ZNF682: variants seen among roughly 807,000 people sequenced by gnomAD.
The protein encoded by ZNF682 is zinc finger protein 682.
A neutral mutation model predicts 36.5 loss-of-function variants in ZNF682; 29 were observed. The observed-to-expected ratio is 0.80, with a 90% CI of 0.59 to 1.08. The LOEUF (loss-of-function observed/expected upper bound fraction) is 1.08, where lower values mean the gene tolerates loss of function less well. ZNF682 is among the 50% of genes least tolerant of loss of function. The pLI is 0.00. For synonymous variants in ZNF682, 180 were observed against 197.0 expected (o/e 0.91, Z 0.72); for missense variants, 561 against 579.7 (o/e 0.97, Z 0.33).
chr19:20,006,253 T>A lies in ZNF682; in HGVS notation c.1249A>T (p.Arg417Ter). The A allele has an allele frequency of 6.2e-7, 1 of 1,613,802 alleles. No individual in the cohort carries two copies. The highest frequency in any genetic ancestry group is 2.2e-5 in the East Asian group (1 of 44,862). Residue 417 changes from arginine to a stop codon, truncating the protein, a stop_gained, in exon 4 of 4, where the codon AGA becomes TGA. Coordinates refer to ENST00000397165, the MANE Select transcript of ZNF682 (RefSeq NM_033196.3). LOFTEE classifies it high-confidence loss of function. ...TAGGGTTTCTCTCCAGTATGAATTCTCTTATGTTCAGTAAGGATTGAGGAC... is the reference window on the plus strand; with the variant it reads ...TAGGGTTTCTCTCCAGTATGAATTCACTTATGTTCAGTAAGGATTGAGGAC... Reference protein sequence around the residue: ...NWSSILTEHKRIHTGEKPYNC... With the variant: ...NWSSILTEHK
intron 1 of ZNF682, among the ~76,000 whole-genome samples, chr19:20,038,565 T>C (rs1056021092): frequency 6.8e-6 from 1 of 147,146 alleles, no homozygotes; most frequent in Non-Finnish European, 1.5e-5. Flanking sequence ...GTTAAATAAA[T>C]AGCAGGCAGT....
chr19:20,031,571 G>A (rs1050970189), intron 1 of ZNF682, among the ~76,000 whole-genome samples: 1 of 152,210 alleles, frequency 6.6e-6, no homozygotes, highest in African/African-American at 2.4e-5. Flanking sequence ...CAACCTGGCT[G>A]TGCATTATTG....
intron 1 of ZNF682, among the ~76,000 whole-genome samples, chr19:20,025,557 A>G (rs963774396): frequency 3.9e-5 from 6 of 152,118 alleles, no homozygotes; most frequent in African/African-American, 7.2e-5. Context: ...CGTGCCTGTA[A>G]TCCCAGCTAC....
intron 1 of ZNF682, among the ~76,000 whole-genome samples, chr19:20,038,223 T>C (rs1016697189): frequency 4.6e-5 from 7 of 152,110 alleles, no homozygotes; most frequent in African/African-American, 1.7e-4. Context: ...TCTTTTTTTT[T>C]TTCATGGTGG....
At chr19:19,997,884 G>C (rs375521434) in intron 3 of ZNF682, among the ~76,000 whole-genome samples, 2 of 152,172 alleles carry the variant, frequency 1.3e-5, no homozygotes, top group Admixed American at 1.3e-4. Context: ...GAGCCTTCTG[G>C]GTTTTTGGTG....
chr19:19,997,980 A>G (rs2088138149), intron 3 of ZNF682, among the ~76,000 whole-genome samples: 2 of 152,166 alleles, frequency 1.3e-5, no homozygotes, highest in African/African-American at 4.8e-5. Flanking sequence ...TCCCCATATT[A>G]TCAAGTGGTC....
intron 1 of ZNF682, among the ~76,000 whole-genome samples, chr19:20,037,035 G>A (rs945200629): frequency 2.0e-5 from 3 of 152,030 alleles, no homozygotes; most frequent in African/African-American, 7.2e-5. Context: ...TATCCTTCAG[G>A]AAAAGGCAAA....
intron 3 of ZNF682, among the ~76,000 whole-genome samples, chr19:20,022,020 A>T (rs1485497657): frequency 6.6e-6 from 1 of 151,906 alleles, no homozygotes; most frequent in Non-Finnish European, 1.5e-5. Context: ...AAATACAAAA[A>T]GTAGCTGGGC....
intron 1 of ZNF682, among the ~76,000 whole-genome samples, chr19:20,036,814 GAAAAAAAAA>G (rs869238931): frequency 0.064 from 1,274 of 19,890 alleles, 29 homozygotes; most frequent in African/African-American, 0.17. Context: ...AAAAAAAAAA[GAAAAAAAAA>G]AAAAAAAAAA....
intron 3 of ZNF682, chr19:20,015,245 A>G (rs930113494): frequency 9.1e-6 from 9 of 985,278 alleles, no homozygotes; most frequent in Admixed American, 6.1e-5. Flanking sequence ...TTGAATTTAC[A>G]ACAATTCTCA....
At position 20,006,666 on chromosome 19, in the gene ZNF682, T is replaced by G. The variant is rs752814586; in HGVS notation, c.836A>C (p.His279Pro). 6.2e-7 allele frequency: 1 copy of G among 1,614,118 alleles called. No homozygotes were observed. The highest frequency in any genetic ancestry group is 8.5e-7 in the Non-Finnish European group (1 of 1,180,012). The stretch of plus-strand genomic sequence containing the variant: ...ACATGTATAGGGTTTTTCTCCTGTA[T>G]GAATTTTCTTATGTCTAACAAAGGG... ...CSPFVRHKKI[H>P]TGEKPYTCED... The change falls in exon 4 of 4, where the codon CAT becomes CCT. Residue 279 changes from histidine to proline, a missense_variant. Physicochemically the swap from His to Pro is moderately conservative, Grantham distance 77 (BLOSUM62 -2). Coordinates refer to ENST00000397165, the MANE Select transcript of ZNF682 (RefSeq NM_033196.3).
Position 20,006,819 on chromosome 19 carries a change from G to A in ZNF682, c.683C>T (p.Pro228Leu), listed in dbSNP as rs1274688377. ...KHKRIHTGEKPYKCEECGKAF... is the reference protein window; with the variant it reads ...KHKRIHTGEKLYKCEECGKAF... ...TTTGCCACATTCTTCACATTTGTAT[G>A]GTTTCTCTCCAGTGTGAATTCTCTT... The change falls in exon 4 of 4, where the codon CCA becomes CTA. Residue 228 changes from proline to leucine, a missense_variant. Pro to Leu is a moderately conservative substitution (Grantham distance 98, BLOSUM62 -3). Transcript: ENST00000397165. 4 of 1,613,958 alleles carry A rather than the reference G, an allele frequency of 2.5e-6. No individual in the cohort carries two copies. The highest frequency in any genetic ancestry group is 3.4e-6 in the Non-Finnish European group (4 of 1,180,008).
intron 1 of ZNF682, among the ~76,000 whole-genome samples, chr19:20,030,338 G>A: frequency 6.6e-6 from 1 of 152,208 alleles, no homozygotes; most frequent in East Asian, 1.9e-4. Context: ...GGAAGACCGA[G>A]GTGGGTGGAT....
intron 1 of ZNF682, chr19:20,033,667 C>G (rs915521984): frequency 2.6e-5 from 4 of 152,656 alleles, no homozygotes; most frequent in Non-Finnish European, 5.8e-5. Context: ...ATTCTCCTCC[C>G]TCAGCCTCTC....
At chr19:20,016,460 T>G (rs2088335225) in intron 3 of ZNF682, among the ~76,000 whole-genome samples, 1 of 151,918 alleles carries the variant, frequency 6.6e-6, no homozygotes, top group Non-Finnish European at 1.5e-5. Context: ...AAGAAAATAG[T>G]GCATGAGGAA....
intron 1 of ZNF682, among the ~76,000 whole-genome samples, chr19:20,037,093 T>C (rs537807701): frequency 3.3e-5 from 5 of 152,196 alleles, no homozygotes; most frequent in Admixed American, 6.5e-5. Context: ...TGAAGCCCCT[T>C]ATTTCTAATT....
chr19:20,018,247 C>G (rs2122347439), intron 3 of ZNF682, among the ~76,000 whole-genome samples: 1 of 151,114 alleles, frequency 6.6e-6, no homozygotes, highest in East Asian at 1.9e-4. Flanking sequence ...GCGCCCGCCA[C>G]TACGCCCGGC....
At chr19:20,034,796 GAAAGA>G (rs1445687849) in intron 1 of ZNF682, among the ~76,000 whole-genome samples, 1 of 149,936 alleles carries the variant, frequency 6.7e-6, no homozygotes, top group Non-Finnish European at 1.5e-5. Context: ...AAAGAAAAAA[GAAAGA>G]AAAGAAAAAA....
chr19:20,005,756 CCT>C lies in ZNF682; in HGVS notation c.*247_*248del, dbSNP rs1252470803. The C allele has an allele frequency of 1.0e-5, 5 of 478,104 alleles. No homozygotes were observed. The highest frequency in any genetic ancestry group is 1.0e-4 in the East Asian group (3 of 29,638). The allele number at this position is 478,104 out of a possible 1,614,324, so 29.6% of individuals were successfully genotyped here. ...TACATTGCTTTTATCTAGCACAAAA[CCT>C]CTGATGAGTAAGTTCATAGTAGTTA... On this transcript the variant is annotated 3_prime_UTR_variant, in exon 4 of 4. Transcript: ENST00000397165.
Sources: gnomAD v4.1 joint callset for allele counts (sites outside exome capture counted in the v4.1 genomes callset) on GRCh38, gnomAD v4.1.1 for gene constraint, MANE v1.5 for transcripts, NCBI Gene and HGNC (gene_info 2026-07-23, HGNC 2026-07-21) for gene names.